ANO7: variants seen among roughly 807,000 people sequenced by gnomAD.
The protein encoded by ANO7 is anoctamin 7.
Under a neutral mutation model 115.8 loss-of-function variants are expected in ANO7, and 114 were observed. The ratio of observed to expected loss-of-function variants is 0.98; its 90% CI spans 0.85 to 1.15. The LOEUF (loss-of-function observed/expected upper bound fraction) is 1.15, where lower values mean the gene tolerates loss of function less well. Among genes scored for constraint, ANO7 ranks in the 50% most tolerant of loss-of-function variants. The pLI is 0.00. For synonymous variants in ANO7, 550 were observed against 498.2 expected (o/e 1.10, Z -1.38); for missense variants, 1,302 against 1,201.2 (o/e 1.08, Z -1.24).
downstream of ANO7, chr2:241,227,685 T>G (rs1260252193): frequency 1.3e-5 from 2 of 152,312 alleles, no homozygotes; most frequent in Non-Finnish European, 2.9e-5. Context: ...TGGGAGAGGG[T>G]AGGGGCAGGA....
intron 10 of ANO7, among the ~76,000 whole-genome samples, chr2:241,206,690 G>A: frequency 2.5e-5 from 1 of 39,954 alleles, no homozygotes; most frequent in Non-Finnish European, 4.6e-5. Context: ...GTGGGCAGGA[G>A]TGCTACCAGG....
intron 21 of ANO7, among the ~76,000 whole-genome samples, chr2:241,222,233 C>CATAAATAAATAAATAAATAAATAA (rs59653174): frequency 7.0e-6 from 1 of 143,242 alleles, no homozygotes; most frequent in Admixed American, 7.0e-5. Flanking sequence ...GACTCTGTCT[C>CATAAATAAATAAATAAATAAATAA]ATAAATAAAT....
In ANO7 at chr2:241,218,359, G is replaced by T; in HGVS notation, c.2299G>T (p.Ala767Ser). 1 of 1,469,150 alleles carries T rather than the reference G, an allele frequency of 6.8e-7. No homozygotes were observed. Among genetic ancestry groups the T allele is most frequent in the Non-Finnish European group, 9.0e-7 (1 of 1,112,952 alleles). The allele number at this position is 1,469,150 out of a possible 1,614,324, so 91.0% of individuals were successfully genotyped here. Residue 767 changes from alanine (A) to serine (S), a missense_variant, in exon 21 of 25, where the codon GCC (alanine) becomes TCC (serine). Ala to Ser is a moderately conservative substitution (Grantham distance 99). Coordinates refer to ENST00000674324, the MANE Select transcript of ANO7 (RefSeq NM_001370694.2). ...TLARAPSSFA[A>S]AHNRTCRYRA... ...GGCGCGAGCCCCGTCCTCCTTCGCC[G>T]CCGCGCACAACCGCACGTGCAGGTG...
rs147733698 is a variant in ANO7, at chr2:241,207,605, G to A, written c.1012G>A (p.Glu338Lys). The change falls in exon 11 of 25, where the codon GAG (glutamate) becomes AAG (lysine). Residue 338 changes from glutamate to lysine, a missense_variant. Glu to Lys is a moderately conservative substitution (Grantham distance 56, BLOSUM62 1). Coordinates refer to ENST00000674324, the MANE Select transcript of ANO7 (RefSeq NM_001370694.2). The part of the protein sequence containing the change: ...QELCGSKDSF[E>K]MCPLCLDCPF... ...ACTGTGTGGCAGCAAGGACAGCTTC[G>A]AGATGTGCCCACTTTGCCTCGACTG... 1,564 of 1,613,758 alleles carry A rather than the reference G, an allele frequency of 9.7e-4. 2 individuals are homozygous for A. Among genetic ancestry groups the A allele is most frequent in the Non-Finnish European group, 1.2e-3 (1,450 of 1,179,978 alleles).
intron 6 of ANO7, 148 bp downstream of exon 6, chr2:241,200,373 G>A (rs536098146): frequency 2.3e-5 from 27 of 1,150,002 alleles, no homozygotes; most frequent in Middle Eastern, 4.1e-4. Flanking sequence ...CGCTTATCGC[G>A]TGTCTGCATT....
At chr2:241,196,144 C>T (rs566021429) in intron 4 of ANO7, 2 of 1,334,106 alleles carry the variant, frequency 1.5e-6, no homozygotes, top group East Asian at 5.8e-5. Flanking sequence ...CCGTCTCCAA[C>T]ATTAAAGCTT....
chr2:241,200,142 C>T lies in ANO7; in HGVS notation c.471C>T (p.Gly157=), dbSNP rs778655884. 6 of 1,613,226 alleles carry T rather than the reference C, an allele frequency of 3.7e-6. No homozygotes were observed. Among genetic ancestry groups the T allele is most frequent in the Non-Finnish European group, 5.1e-6 (6 of 1,180,002 alleles). ...CGGCCGGCCTGCTGGCATGGCTGGG[C>T]ATCCCCAACGTCCTGCTGGAGGTTG... ...NWSAGLLAWL[G]IPNVLLEVVP... Residue 157 remains glycine (G), a synonymous_variant, in exon 6 of 25, where the codon GGC becomes GGT. Transcript: ENST00000674324.
At chr2:241,192,603 T>TGTGGG (rs1491345775) in intron 3 of ANO7, among the ~76,000 whole-genome samples, 5 of 152,178 alleles carry the variant, frequency 3.3e-5, no homozygotes, top group South Asian at 2.1e-4. Context: ...TTCTGAGGAC[T>TGTGGG]GTGGGGTGGG....
chr2:241,236,884 G>T, the ANO7 span: 1 of 1,013,866 alleles, frequency 9.9e-7, no homozygotes, highest in Non-Finnish European at 1.5e-6. Context: ...AAAAGGGAGG[G>T]AAAACCACTC....
chr2:241,210,109 G>GCCT (rs1246943081), intron 13 of ANO7, among the ~76,000 whole-genome samples, 186 bp from the exon 14 acceptor site: 1 of 152,222 alleles, frequency 6.6e-6, no homozygotes, highest in African/African-American at 2.4e-5. Flanking sequence ...CCCCACCTCT[G>GCCT]CCTGAGCAAC....
intron 6 of ANO7, 76 bp downstream of exon 6, chr2:241,200,301 G>T (rs1352311275): frequency 6.5e-7 from 1 of 1,549,550 alleles, no homozygotes; most frequent in Non-Finnish European, 8.7e-7. Context: ...GCGGAACTTG[G>T]TGCTTCCCCA....
In ANO7 at chr2:241,191,095, G is replaced by C. The variant is rs74003623; in HGVS notation, c.109-99G>C. 1.2e-3 allele frequency: 1,636 copies of C among 1,345,040 alleles called. 15 individuals carry two copies. The African/African-American group carries it at 0.021, about 18-fold the overall frequency. The allele number at this position is 1,345,040 out of a possible 1,614,324, so 83.3% of individuals were successfully genotyped here. On this transcript the variant is annotated intron_variant, in intron 2 of 24. Transcript: ENST00000674324. The stretch of plus-strand genomic sequence containing the variant: ...GTGTTCTGGGGCAGGGCGGGGACGG[G>C]TTGGAGGCGAGGACGGCTTCAGGGT...
chr2:241,236,203 G>C, the ANO7 span: 1 of 237,000 alleles, frequency 4.2e-6, no homozygotes, highest in South Asian at 7.4e-5. Context: ...AGCACTGAGA[G>C]CAGCATCCAG....
chr2:241,209,705 A>G, intron 13 of ANO7, 70 bp downstream of exon 13: 2 of 1,486,580 alleles, frequency 1.3e-6, no homozygotes, highest in Non-Finnish European at 1.8e-6. Context: ...TTTGTCCCCC[A>G]TCTCACCTTG....
downstream of ANO7, chr2:241,229,491 A>G (rs889996556): frequency 1.6e-5 from 12 of 769,288 alleles, no homozygotes; most frequent in Admixed American, 2.2e-4. Context: ...GGAAGGGGGA[A>G]GAGCGTCAAC....
At chr2:241,193,972 G>T (rs966882246) in intron 3 of ANO7, among the ~76,000 whole-genome samples, 1 of 152,216 alleles carries the variant, frequency 6.6e-6, no homozygotes, top group African/African-American at 2.4e-5. Flanking sequence ...CACCTCCCAG[G>T]TTCAAGTGAT....
At chr2:241,222,227 C>G (rs1366482293) in intron 21 of ANO7, among the ~76,000 whole-genome samples, 4 of 135,628 alleles carry the variant, frequency 2.9e-5, no homozygotes, top group Non-Finnish European at 6.2e-5. Context: ...GAGCGAGACT[C>G]TGTCTCATAA....
chr2:241,203,264 C>T lies in ANO7; in HGVS notation c.724-69C>T. 1 of 1,320,864 alleles carries T rather than the reference C, an allele frequency of 7.6e-7. No homozygotes were observed. Among genetic ancestry groups the T allele is most frequent in the Admixed American group, 3.1e-5 (1 of 32,674 alleles). The allele number at this position is 1,320,864 out of a possible 1,614,324, so 81.8% of individuals were successfully genotyped here. On this transcript the variant is annotated intron_variant, in intron 8 of 24. Transcript: ENST00000674324. The surrounding 1 kb of genome is among the most constrained non-coding windows in gnomAD (Gnocchi z 4.8). The stretch of plus-strand genomic sequence containing the variant: ...CTGCCCATGTCCCACACTGAAGCCC[C>T]TGCACCTACAACAGTGCCCAGTGGG...
downstream of ANO7, chr2:241,230,406 GTC>G: frequency 3.1e-6 from 2 of 642,830 alleles, no homozygotes; most frequent in Non-Finnish European, 5.4e-6. This position sits in a 1 kb window ranked among gnomAD's most constrained non-coding sequence, Gnocchi z 5.0. Context: ...TCTGAAGTCA[GTC>G]AGCCTCATCA....
Sources: gnomAD v4.1 joint callset for allele counts (sites outside exome capture counted in the v4.1 genomes callset) on GRCh38, gnomAD v4.1.1 for gene constraint, Gnocchi (gnomAD v3.1) non-coding constraint, MANE v1.5 for transcripts, NCBI Gene and HGNC (gene_info 2026-07-23, HGNC 2026-07-21) for gene names.